ASIC2: variants seen among roughly 807,000 people sequenced by gnomAD.
ASIC2 encodes the protein acid sensing ion channel subunit 2.
Under a neutral mutation model 57.3 loss-of-function variants are expected in ASIC2, and 25 were observed. The ratio of observed to expected loss-of-function variants is 0.44; its 90% CI spans 0.32 to 0.61. The LOEUF is 0.61. ASIC2 is among the 20% of genes least tolerant of loss of function. The pLI is 0.06. For synonymous variants in ASIC2, 319 were observed against 307.5 expected, an observed-to-expected ratio of 1.04 and a Z score of -0.39; for missense variants, 641 against 738.1, an observed-to-expected ratio of 0.87 and a Z score of 1.52.
intron 4 of ASIC2, among the ~76,000 whole-genome samples, chr17:33,027,948 A>G (rs999164471): frequency 2.0e-5 from 3 of 152,260 alleles, no homozygotes; most frequent in Non-Finnish European, 1.5e-5. Context: ...GCATCCAGTT[A>G]TCTGGAAGCT....
At chr17:34,097,762 A>C (rs891977813) in intron 1 of ASIC2, among the ~76,000 whole-genome samples, 5 of 152,158 alleles carry the variant, frequency 3.3e-5, no homozygotes, top group African/African-American at 1.2e-4. Flanking sequence ...ACTATGCTTT[A>C]TTATGGCAGC....
intron 1 of ASIC2, among the ~76,000 whole-genome samples, chr17:33,504,211 C>G (rs559728428): frequency 6.6e-6 from 1 of 152,374 alleles, no homozygotes; most frequent in South Asian, 2.1e-4. Flanking sequence ...CTCTCCTGGG[C>G]ATACTTGTAT....
chr17:33,026,346 A>G (rs972045576), intron 4 of ASIC2, among the ~76,000 whole-genome samples: 3 of 152,188 alleles, frequency 2.0e-5, no homozygotes, highest in African/African-American at 7.2e-5. Flanking sequence ...AAGCCTGGCT[A>G]TACATCATCT....
intron 1 of ASIC2, among the ~76,000 whole-genome samples, chr17:33,779,341 T>C (rs899745409): frequency 2.0e-5 from 3 of 152,082 alleles, no homozygotes; most frequent in Non-Finnish European, 4.4e-5. Context: ...CTCAAGCCCC[T>C]GGGAACTCAA....
intron 1 of ASIC2, among the ~76,000 whole-genome samples, chr17:33,964,920 CA>C (rs1373124401): frequency 1.3e-5 from 2 of 152,118 alleles, no homozygotes; most frequent in Non-Finnish European, 2.9e-5. Flanking sequence ...CTATGATTTC[CA>C]AGAGAGAAAT....
intron 1 of ASIC2, among the ~76,000 whole-genome samples, chr17:33,982,160 T>C (rs1905649350): frequency 1.3e-5 from 2 of 152,086 alleles, no homozygotes. Context: ...TGCTTGGAAA[T>C]TGCACCCAGC....
chr17:33,522,262 A>G (rs911108608), intron 1 of ASIC2, among the ~76,000 whole-genome samples: 1 of 152,178 alleles, frequency 6.6e-6, no homozygotes, highest in Non-Finnish European at 1.5e-5. Context: ...TCCTGCTAAT[A>G]TGATATTGAA....
At chr17:33,311,432 G>C (rs1182860984) in intron 1 of ASIC2, among the ~76,000 whole-genome samples, 1 of 87,078 alleles carries the variant, frequency 1.1e-5, no homozygotes. Context: ...GTCTATCTGT[G>C]TGTGTGTGTG....
At chr17:34,051,858 C>CAGAGAGAGAG (rs933523151) in intron 1 of ASIC2, 1 of 54,670 alleles carries the variant, frequency 1.8e-5, no homozygotes, top group Non-Finnish European at 3.2e-5. Context: ...TACACACACA[C>CAGAGAGAGAG]AGAGAGAGAG....
Position 33,291,823 on chromosome 17 carries a change from C to T in ASIC2, c.293G>A (p.Gly98Asp). The change falls in exon 1 of 10, where the codon GGC becomes GAC. Residue 98 changes from glycine to aspartate, a missense_variant. By Grantham distance (94) the Gly-to-Asp change is moderately conservative (BLOSUM62 -1). Transcript: ENST00000225823. ...GTTCGAGGACCAGGACAGCAGCAAG[C>T]CGAAGGATGTACAGAAGGCCAGCAC... is the stretch of plus-strand genomic sequence containing the variant. ...LWVLAFCTSF[G>D]LLLSWSSNRL... 6.2e-7 allele frequency: 1 copy of T among 1,612,308 alleles called. No individual in the cohort carries two copies. Among genetic ancestry groups the T allele is most frequent in the Non-Finnish European group, 8.5e-7 (1 of 1,179,782 alleles).
intron 1 of ASIC2, among the ~76,000 whole-genome samples, chr17:33,263,666 G>C (rs905946338): frequency 7.9e-6 from 1 of 126,522 alleles, no homozygotes; most frequent in African/African-American, 3.0e-5. Context: ...AGAATGAAGA[G>C]TTGGTGTTCT....
intron 1 of ASIC2, among the ~76,000 whole-genome samples, chr17:33,770,470 C>T (rs572821350): frequency 2.6e-4 from 39 of 152,292 alleles, no homozygotes; most frequent in African/African-American, 8.4e-4. Context: ...GTTGTTTTTG[C>T]CACGACTGCT....
chr17:33,044,970 T>C (rs767031821), intron 3 of ASIC2, among the ~76,000 whole-genome samples: 9 of 151,966 alleles, frequency 5.9e-5, no homozygotes, highest in South Asian at 2.1e-4. Flanking sequence ...GTGTTCTGGG[T>C]AGAGGATACT....
At chr17:33,515,177 G>A (rs1056197494) in intron 1 of ASIC2, among the ~76,000 whole-genome samples, 2 of 152,238 alleles carry the variant, frequency 1.3e-5, no homozygotes, top group African/African-American at 2.4e-5. Flanking sequence ...GAATTGCTCC[G>A]TCGCTGTTCC....
chr17:33,574,742 G>C (rs1916562286), intron 1 of ASIC2, among the ~76,000 whole-genome samples: 1 of 152,112 alleles, frequency 6.6e-6, no homozygotes, highest in Non-Finnish European at 1.5e-5. Context: ...TTCTAGGACA[G>C]TCAATAGATG....
intron 1 of ASIC2, among the ~76,000 whole-genome samples, chr17:33,725,063 G>T (rs1043746382): frequency 2.6e-5 from 4 of 152,178 alleles, no homozygotes. Flanking sequence ...CTGGATCCTC[G>T]CTCTGCCCTC....
At chr17:33,412,749 T>G (rs1338633318) in intron 1 of ASIC2, among the ~76,000 whole-genome samples, 5 of 151,876 alleles carry the variant, frequency 3.3e-5, no homozygotes, top group Non-Finnish European at 7.4e-5. Flanking sequence ...AGAGGAGCAA[T>G]GAGAAGTGGG....
At chr17:33,452,924 C>T (rs931514812) in intron 1 of ASIC2, among the ~76,000 whole-genome samples, 1 of 152,104 alleles carries the variant, frequency 6.6e-6, no homozygotes, top group African/African-American at 2.4e-5. Flanking sequence ...AATCAAACTG[C>T]TCTACATGCC....
At chr17:33,692,304 T>A (rs925931427) in intron 1 of ASIC2, 4 of 152,152 alleles carry the variant, frequency 2.6e-5, no homozygotes, top group Admixed American at 2.6e-4. Flanking sequence ...CTTGCACTGA[T>A]TACAAGTCTG....
Sources: allele counts gnomAD v4.1 joint callset (sites outside exome capture counted in the v4.1 genomes callset), GRCh38; gene constraint gnomAD v4.1.1; transcripts MANE v1.5; gene names NCBI Gene and HGNC (gene_info 2026-07-23, HGNC 2026-07-21).